The following POT1 variants were observed in gnomAD, a reference collection of about 807,000 sequenced individuals.
The protein encoded by POT1 is protection of telomeres 1, also known as protection of telomeres protein 1.
In POT1, 47 loss-of-function variants were observed where a neutral mutation model predicts 78.5. The observed-to-expected ratio is 0.60, with a 90% CI of 0.47 to 0.76. POT1 has a LOEUF of 0.76. POT1 is among the 30% of genes least tolerant of loss of function. The pLI is 0.00. For missense variants in POT1, 646 were observed against 749.9 expected, an observed-to-expected ratio of 0.86 and a Z score of 1.62; for synonymous variants, 259 against 260.7, an observed-to-expected ratio of 0.99 and a Z score of 0.06.
intron 16 of POT1, among the ~76,000 whole-genome samples, chr7:124,828,164 A>T (rs1794676399): frequency 6.6e-6 from 1 of 152,194 alleles, no homozygotes; most frequent in Admixed American, 6.5e-5. Flanking sequence ...AGAATATTCT[A>T]AAAAATAGCA....
At chr7:124,904,534 A>G (rs150719159) in intron 3 of POT1, among the ~76,000 whole-genome samples, 30,352 of 152,152 alleles carry the variant, frequency 0.2, 3,768 homozygotes, top group East Asian at 0.3. Context: ...CCCACAGCCA[A>G]TATCATACTG....
At chr7:124,849,045 A>G (rs1335688709) in intron 11 of POT1, among the ~76,000 whole-genome samples, 1 of 152,182 alleles carries the variant, frequency 6.6e-6, no homozygotes, top group Non-Finnish European at 1.5e-5. Context: ...TCTATTATAC[A>G]TAACAGTACA....
At chr7:124,871,111 T>A in intron 6 of POT1, 70 bp from the exon 7 acceptor site, 1 of 1,340,644 alleles carries the variant, frequency 7.5e-7, no homozygotes, top group Non-Finnish European at 1.0e-6. Context: ...AGAATATGCT[T>A]ACTTCAAAAC....
intron 2 of POT1, among the ~76,000 whole-genome samples, chr7:124,916,020 A>T (rs919097558): frequency 1.3e-5 from 2 of 152,164 alleles, no homozygotes; most frequent in African/African-American, 4.8e-5. Flanking sequence ...ATAAAGATTT[A>T]GAAATGCAAA....
chr7:124,904,267 A>G (rs372020828), intron 3 of POT1, among the ~76,000 whole-genome samples: 4 of 152,320 alleles, frequency 2.6e-5, no homozygotes, highest in South Asian at 4.1e-4. Context: ...AAAATCCTCA[A>G]TAAAATACTG....
intron 6 of POT1, among the ~76,000 whole-genome samples, chr7:124,888,162 G>T (rs887258444): frequency 6.6e-6 from 1 of 152,016 alleles, no homozygotes; most frequent in African/African-American, 2.4e-5. Flanking sequence ...AGGATCTAAG[G>T]ATCCAATTTC....
chr7:124,829,109 T>C, intron 16 of POT1, 145 bp downstream of exon 16: 1 of 773,444 alleles, frequency 1.3e-6, no homozygotes, highest in Non-Finnish European at 2.4e-6. Context: ...TATCTTTAAA[T>C]TTACAAAGTC....
At chr7:124,824,790 A>T (rs1794589447) in intron 18 of POT1, among the ~76,000 whole-genome samples, 2 of 152,154 alleles carry the variant, frequency 1.3e-5, no homozygotes, top group Admixed American at 1.3e-4. Context: ...TTTATTAATC[A>T]AATGTTTATG....
intron 5 of POT1, among the ~76,000 whole-genome samples, chr7:124,895,219 C>T (rs1796463976): frequency 6.6e-6 from 1 of 151,618 alleles, no homozygotes; most frequent in Admixed American, 6.6e-5. Context: ...CAGCTAGTTG[C>T]TCATTATCGC....
chr7:124,907,791 C>A (rs1796800822), intron 3 of POT1, among the ~76,000 whole-genome samples: 1 of 152,032 alleles, frequency 6.6e-6, no homozygotes, highest in South Asian at 2.1e-4. Flanking sequence ...AACTTTCTCT[C>A]AATTTTGCTG....
At chr7:124,865,678 CTTT>C (rs1025034346) in intron 7 of POT1, among the ~76,000 whole-genome samples, 4 of 150,612 alleles carry the variant, frequency 2.7e-5, no homozygotes, top group African/African-American at 4.9e-5. Context: ...CACTTAATTC[CTTT>C]TTTAAGTTAT....
intron 2 of POT1, among the ~76,000 whole-genome samples, chr7:124,921,323 G>A (rs952971145): frequency 6.6e-6 from 1 of 151,948 alleles, no homozygotes. Context: ...ATAAATACAA[G>A]TATACAAGAA....
At chr7:124,847,052 C>G in intron 11 of POT1, 54 bp from the exon 12 acceptor site, 1 of 1,235,896 alleles carries the variant, frequency 8.1e-7, no homozygotes, top group Non-Finnish European at 1.2e-6. Context: ...CATTGTAGAA[C>G]TGAAAACAAT....
intron 3 of POT1, among the ~76,000 whole-genome samples, chr7:124,913,884 C>T (rs1796950713): frequency 6.6e-6 from 1 of 151,976 alleles, no homozygotes; most frequent in Admixed American, 6.6e-5. Context: ...TTCTGTAATC[C>T]CAGCACTTTG....
chr7:124,845,957 G>A (rs960790921), intron 12 of POT1, among the ~76,000 whole-genome samples: 2 of 151,988 alleles, frequency 1.3e-5, no homozygotes, highest in African/African-American at 4.8e-5. Flanking sequence ...TCTAGTACAA[G>A]GTTACTCCAT....
At chr7:124,878,377 A>G (rs1796040065) in intron 6 of POT1, among the ~76,000 whole-genome samples, 2 of 152,024 alleles carry the variant, frequency 1.3e-5, no homozygotes, top group Admixed American at 1.3e-4. Context: ...GGATATACAA[A>G]CTTTCAGTTC....
intron 9 of POT1, among the ~76,000 whole-genome samples, chr7:124,856,173 T>C (rs1220848211): frequency 2.0e-4 from 30 of 152,304 alleles, no homozygotes; most frequent in Admixed American, 2.0e-3. Context: ...TCGTACTGGT[T>C]CCAGGTATTT....
chr7:124,842,848 T>C lies in POT1; in HGVS notation c.1122A>G (p.Leu374=), dbSNP rs143283657. 3 of 1,603,124 alleles carry C rather than the reference T, an allele frequency of 1.9e-6. No homozygotes were observed. Among genetic ancestry groups the C allele is most frequent in the East Asian group, 2.2e-5 (1 of 44,718 alleles). Residue 374 remains leucine, a synonymous_variant, in exon 13 of 19, where the codon CTA becomes CTG. Coordinates refer to ENST00000357628, the MANE Select transcript of POT1 (RefSeq NM_015450.3). ...AKLRSYKPRR[L]FQSVKLHCPK... Reference sequence around the variant, plus strand: ...GGCAATGAAGTTTAACAGACTGAAATAGTCTTCTGGGCTTATATGACCTCA... The same window carrying C: ...GGCAATGAAGTTTAACAGACTGAAACAGTCTTCTGGGCTTATATGACCTCA...
intron 4 of POT1, 58 bp from the exon 5 acceptor site, chr7:124,897,270 T>G (rs1022628977): frequency 7.9e-6 from 5 of 629,898 alleles, no homozygotes; most frequent in Non-Finnish European, 1.3e-5. Context: ...TGTGATTACA[T>G]GCTTTTAGTT....
Sources: gnomAD v4.1 joint callset for allele counts (sites outside exome capture counted in the v4.1 genomes callset) on GRCh38, gnomAD v4.1.1 for gene constraint, MANE v1.5 for transcripts, NCBI Gene and HGNC (gene_info 2026-07-23, HGNC 2026-07-21) for gene names.